The following AGBL1 variants were observed in gnomAD, a reference collection of about 807,000 sequenced individuals.
The protein encoded by AGBL1 is cytosolic carboxypeptidase 4.
Under a neutral mutation model 118.9 loss-of-function variants are expected in AGBL1, and 130 were observed. The ratio of observed to expected loss-of-function variants is 1.09; its 90% confidence interval spans 0.95 to 1.26. The LOEUF (loss-of-function observed/expected upper bound fraction) is 1.26, where lower values mean the gene tolerates loss of function less well. Among genes scored for constraint, AGBL1 ranks in the 50% most tolerant of loss-of-function variants. AGBL1 has a pLI of 0.00. For missense variants in AGBL1, 1,584 were observed against 1,298.1 expected (o/e 1.22, Z -3.38); for synonymous variants, 555 against 478.9 (o/e 1.16, Z -2.08).
intron 21 of AGBL1, among the ~76,000 whole-genome samples, chr15:86,647,040 A>G (rs1262371378): frequency 1.3e-5 from 2 of 152,194 alleles, no homozygotes; most frequent in African/African-American, 4.8e-5. Flanking sequence ...TCTAGCTCAC[A>G]TAAAAGACTA....
rs760990821 is a variant in AGBL1 at position 86,554,481 on chromosome 15, T to C, written c.2938T>C (p.Ser980Pro). The change falls in exon 21 of 23, where the codon TCC becomes CCC. Residue 980 changes from serine (S) to proline (P), a missense_variant. Transcript: ENST00000614907. Reference protein sequence around the residue: ...RVVVWREMGVSRSYTMESSYC... With the variant: ...RVVVWREMGVPRSYTMESSYC... ...GGTGGTGTGGAGAGAGATGGGGGTG[T>C]CCAGAAGCTACACCATGGAAAGCAG... 6.3e-7 allele frequency: 1 copy of C among 1,583,954 alleles called. No individual in the cohort carries two copies. The highest frequency in any genetic ancestry group is 8.6e-7 in the Non-Finnish European group (1 of 1,165,908).
At position 86,912,355 on chromosome 15, in the gene AGBL1, C is replaced by A. The variant is rs1047070702; in HGVS notation, c.*5061C>A. ...CATCTCCAAGGGTTCCCAGGAGCTGCCACATTTACCCAGGGGCTCTGCCTC... is the reference window on the plus strand; with the variant it reads ...CATCTCCAAGGGTTCCCAGGAGCTGACACATTTACCCAGGGGCTCTGCCTC... On this transcript the variant is annotated 3_prime_UTR_variant, in exon 23 of 23. Coordinates refer to ENST00000614907, the MANE Select transcript of AGBL1 (RefSeq NM_001386094.1). 2.6e-5 allele frequency: 4 copies of A among 152,086 alleles called. No individual in the cohort carries two copies. Among genetic ancestry groups the A allele is most frequent in the African/African-American group, 7.2e-5 (3 of 41,390 alleles). 9.4% of individuals were successfully genotyped at this position (152,086 alleles called of 1,614,324 possible).
chr15:86,746,843 A>C (rs2077763820), intron 22 of AGBL1, among the ~76,000 whole-genome samples: 1 of 152,070 alleles, frequency 6.6e-6, no homozygotes, highest in African/African-American at 2.4e-5. Context: ...CACAAACAAT[A>C]TAACTATAAA....
intron 18 of AGBL1, among the ~76,000 whole-genome samples, chr15:86,495,399 T>TTAA (rs1555418878): frequency 1.8e-4 from 26 of 147,108 alleles, no homozygotes; most frequent in East Asian, 8.0e-4. Context: ...ATCTTTTTTT[T>TTAA]AAAAAAAAAA....
At position 86,881,263 on chromosome 15, in the gene AGBL1, C is replaced by CT. The variant is rs144865428; in HGVS notation, c.3159-25820dup. Reference sequence around the variant, plus strand: ...TAAAGTCTATAGAAATCTGAAGAAACTTTTCTTTTTTCAAAATTCTTGACA... The same window carrying CT: ...TAAAGTCTATAGAAATCTGAAGAAACTTTTTCTTTTTTCAAAATTCTTGACA... On this transcript the variant is annotated intron_variant, in intron 22 of 22. Transcript: ENST00000614907. Among the ~76,000 whole-genome samples, 1,093 of 152,260 alleles carry CT rather than the reference C, an allele frequency of 7.2e-3. 22 individuals are homozygous for CT. Among genetic ancestry groups the CT allele is most frequent in the African/African-American group, 0.025 (1,032 of 41,544 alleles).
chr15:86,784,379 T>C (rs1472423592), intron 22 of AGBL1, among the ~76,000 whole-genome samples: 1 of 152,170 alleles, frequency 6.6e-6, no homozygotes, highest in East Asian at 1.9e-4. Flanking sequence ...CCAGAAATAA[T>C]AGCCAACATT....
intron 22 of AGBL1, among the ~76,000 whole-genome samples, chr15:86,844,343 G>C (rs1484193139): frequency 6.6e-6 from 1 of 152,126 alleles, no homozygotes; most frequent in Non-Finnish European, 1.5e-5. Flanking sequence ...GTGAATGAGG[G>C]TTCCAGTTTT....
chr15:86,477,769 G>A (rs1432752476), intron 18 of AGBL1, among the ~76,000 whole-genome samples: 5 of 152,018 alleles, frequency 3.3e-5, no homozygotes, highest in African/African-American at 1.2e-4. Context: ...GCCTGGCAGA[G>A]ACACAACAAA....
At position 86,395,905 on chromosome 15, in the gene AGBL1, T is replaced by C. The variant is rs1003655560; in HGVS notation, c.2375-1461T>C. 3.3e-5 allele frequency among the ~76,000 whole-genome samples: 5 copies of C among 152,030 alleles called. No homozygotes were observed. In the South Asian group the frequency reaches 6.2e-4, roughly 19 times the overall value. On this transcript the variant is annotated intron_variant, in intron 17 of 22. Coordinates refer to ENST00000614907, the MANE Select transcript of AGBL1 (RefSeq NM_001386094.1). ...ATCAAAAGATATTCAATTTTTTCTT[T>C]CTTTGTGCACAATTTGAAACACAGT...
intron 6 of AGBL1, among the ~76,000 whole-genome samples, chr15:86,240,805 T>C (rs1188454934): frequency 6.6e-6 from 1 of 152,208 alleles, no homozygotes; most frequent in African/African-American, 2.4e-5. Context: ...CACGGTACTC[T>C]GTATAGCTGG....
At chr15:86,917,626 A>T (rs2080440192), downstream of AGBL1, among the ~76,000 whole-genome samples, 1 of 152,150 alleles carries the variant, frequency 6.6e-6, no homozygotes, top group Admixed American at 6.5e-5. This position sits in a 1 kb window ranked among gnomAD's most constrained non-coding sequence, Gnocchi z 4.8. Flanking sequence ...AAGCGTAGAG[A>T]TTCAAAGCAG....
chr15:86,871,982 C>T (rs2079735544), intron 22 of AGBL1, among the ~76,000 whole-genome samples: 1 of 152,122 alleles, frequency 6.6e-6, no homozygotes, highest in East Asian at 1.9e-4. Flanking sequence ...CTACAAAAAC[C>T]CTGTGGTATT....
chr15:86,701,062 A>T lies in AGBL1; in HGVS notation c.3158+26626A>T, dbSNP rs180826294. ...CCTGGATGAATTCCAGGTGCACATT[A>T]ACAGTTTAACTTTGTTAAGAAGGTG... On this transcript the variant is annotated intron_variant, in intron 22 of 22. Coordinates refer to ENST00000614907, the MANE Select transcript of AGBL1 (RefSeq NM_001386094.1). Among the ~76,000 whole-genome samples, 151 of 152,282 alleles carry T rather than the reference A, an allele frequency of 9.9e-4. 1 individual carries two copies. The highest frequency in any genetic ancestry group is 3.3e-3 in the African/African-American group (139 of 41,554).
At chr15:86,971,419 G>C (rs191015667) in intron 23 of AGBL1, among the ~76,000 whole-genome samples, 1 of 152,028 alleles carries the variant, frequency 6.6e-6, no homozygotes, top group African/African-American at 2.4e-5. Flanking sequence ...GGGATGGCTT[G>C]TTAATAAAGG....
intron 5 of AGBL1, among the ~76,000 whole-genome samples, chr15:86,199,691 T>C (rs1206248445): frequency 2.0e-5 from 3 of 152,220 alleles, no homozygotes; most frequent in Admixed American, 6.5e-5. Flanking sequence ...GTGGCTTGAA[T>C]TGAGTAAATC....
At chr15:86,751,848 G>C (rs2077858174) in intron 22 of AGBL1, among the ~76,000 whole-genome samples, 1 of 151,998 alleles carries the variant, frequency 6.6e-6, no homozygotes, top group Admixed American at 6.6e-5. Flanking sequence ...ATACACACAG[G>C]TTTGCACAGA....
intron 17 of AGBL1, among the ~76,000 whole-genome samples, chr15:86,383,957 G>A (rs1426488517): frequency 6.6e-6 from 1 of 152,210 alleles, no homozygotes; most frequent in Non-Finnish European, 1.5e-5. Flanking sequence ...CTTCAAGATT[G>A]TTATCTCTTA....
At chr15:86,324,826 G>A (rs2080161476) in intron 17 of AGBL1, among the ~76,000 whole-genome samples, 1 of 152,198 alleles carries the variant, frequency 6.6e-6, no homozygotes, top group Non-Finnish European at 1.5e-5. Flanking sequence ...TTGAGAAGGT[G>A]AGTGAAGTGG....
chr15:86,649,994 A>C (rs2085343769), intron 21 of AGBL1, among the ~76,000 whole-genome samples: 1 of 152,232 alleles, frequency 6.6e-6, no homozygotes, highest in Non-Finnish European at 1.5e-5. Context: ...ATTAAGTCAT[A>C]GGACCAAAAA....
Sources: gnomAD v4.1 joint callset for allele counts (sites outside exome capture counted in the v4.1 genomes callset) on GRCh38, gnomAD v4.1.1 for gene constraint, Gnocchi (gnomAD v3.1) non-coding constraint, MANE v1.5 for transcripts, NCBI Gene and HGNC (gene_info 2026-07-23, HGNC 2026-07-21) for gene names.